The following IGFL2 variants were observed in gnomAD, a reference collection of about 807,000 sequenced individuals.
IGFL2 encodes insulin growth factor-like family member 2.
In IGFL2, 7 loss-of-function variants were observed where a neutral mutation model predicts 13.9. That is an observed-to-expected ratio of 0.51 (90% CI 0.29 to 0.95). The LOEUF (loss-of-function observed/expected upper bound fraction) is 0.95. Among genes scored for constraint, IGFL2 ranks in the 40% least tolerant of loss-of-function variants. The pLI is 0.08. For missense variants in IGFL2, 138 were observed against 147.8 expected (o/e 0.93, Z 0.34); for synonymous variants, 55 against 55.8 (o/e 0.99, Z 0.07).
At chr19:46,164,798 T>C (rs148359979), downstream of IGFL2, 37 of 152,342 alleles carry the variant, frequency 2.4e-4, no homozygotes, top group East Asian at 5.2e-3. Context: ...TTCTGAGTCT[T>C]TTTTCAGCTT....
At chr19:46,147,496 C>T (rs140693910), upstream of IGFL2, among the ~76,000 whole-genome samples, 18 of 152,296 alleles carry the variant, frequency 1.2e-4, no homozygotes, top group East Asian at 3.3e-3. Context: ...GAAAAGCCCT[C>T]GAGCTGGCTT....
chr19:46,191,059 G>A, the IGFL2 span, among the ~76,000 whole-genome samples: 1 of 151,962 alleles, frequency 6.6e-6, no homozygotes, highest in Non-Finnish European at 1.5e-5. Flanking sequence ...GGGAGAAGCA[G>A]GTATGTTTTT....
At chr19:46,090,577 G>A in the IGFL2 span, among the ~76,000 whole-genome samples, 23 of 152,150 alleles carry the variant, frequency 1.5e-4, no homozygotes, top group Admixed American at 1.5e-3. Context: ...TGCCACTGTG[G>A]CCATTACAAC....
At chr19:46,207,567 A>G in the IGFL2 span, 1 of 152,182 alleles carries the variant, frequency 6.6e-6, no homozygotes, top group African/African-American at 2.4e-5. Flanking sequence ...TTTTTCGTAG[A>G]GACGGGGTTT....
chr19:46,146,367 A>C (rs1028127206), upstream of IGFL2, among the ~76,000 whole-genome samples: 1 of 152,172 alleles, frequency 6.6e-6, no homozygotes, highest in Non-Finnish European at 1.5e-5. Flanking sequence ...CTGTAGCTTG[A>C]GTAATTGTGA....
chr19:46,171,739 C>T, the IGFL2 span, among the ~76,000 whole-genome samples: 1 of 152,144 alleles, frequency 6.6e-6, no homozygotes, highest in Non-Finnish European at 1.5e-5. Context: ...CTTTTGATAA[C>T]TCCCTTCTTG....
At chr19:46,107,164 G>C in the IGFL2 span, among the ~76,000 whole-genome samples, 1 of 152,160 alleles carries the variant, frequency 6.6e-6, no homozygotes, top group Non-Finnish European at 1.5e-5. Flanking sequence ...TGGAGGTAAG[G>C]GGAACAGGCC....
At chr19:46,197,667 G>A in the IGFL2 span, among the ~76,000 whole-genome samples, 8 of 152,136 alleles carry the variant, frequency 5.3e-5, no homozygotes, top group African/African-American at 1.9e-4. Flanking sequence ...GAGTAGCTGG[G>A]ACCACAGGTG....
At chr19:46,146,453 C>G (rs1973142550), upstream of IGFL2, among the ~76,000 whole-genome samples, 1 of 152,112 alleles carries the variant, frequency 6.6e-6, no homozygotes, top group Admixed American at 6.5e-5. Context: ...CATTGCTTTT[C>G]TATATAAATT....
chr19:46,103,028 A>G, the IGFL2 span, among the ~76,000 whole-genome samples: 4 of 152,190 alleles, frequency 2.6e-5, no homozygotes, highest in Non-Finnish European at 5.9e-5. Context: ...GAGAAACTAA[A>G]CAGAAGACAC....
chr19:46,180,121 G>T, the IGFL2 span, among the ~76,000 whole-genome samples: 1 of 151,802 alleles, frequency 6.6e-6, no homozygotes, highest in African/African-American at 2.4e-5. Flanking sequence ...ACTCCATCTT[G>T]ATTGAGAGCC....
the IGFL2 span, among the ~76,000 whole-genome samples, chr19:46,082,081 T>A: frequency 6.6e-6 from 1 of 152,240 alleles, no homozygotes. Flanking sequence ...ATTCTTTCAC[T>A]CTTTAATGAG....
the IGFL2 span, among the ~76,000 whole-genome samples, chr19:46,100,167 G>T: frequency 6.6e-6 from 1 of 152,268 alleles, no homozygotes; most frequent in African/African-American, 2.4e-5. Context: ...TGCTGGAGAG[G>T]AGTTGTGATC....
At chr19:46,166,650 A>G in the IGFL2 span, among the ~76,000 whole-genome samples, 2 of 152,160 alleles carry the variant, frequency 1.3e-5, no homozygotes, top group African/African-American at 2.4e-5. Context: ...CATCTCTGCA[A>G]TCTCGACCAT....
the IGFL2 span, among the ~76,000 whole-genome samples, chr19:46,101,431 G>A: frequency 3.9e-5 from 6 of 152,240 alleles, no homozygotes; most frequent in Non-Finnish European, 7.3e-5. Context: ...GGTAGCTGAA[G>A]TTCCTGCAGG....
chr19:46,167,429 A>G, the IGFL2 span, among the ~76,000 whole-genome samples: 1 of 152,200 alleles, frequency 6.6e-6, no homozygotes, highest in East Asian at 1.9e-4. Flanking sequence ...CTTTGCCCGT[A>G]TCTGATGGCT....
chr19:46,186,037 A>G, the IGFL2 span, among the ~76,000 whole-genome samples: 1 of 152,114 alleles, frequency 6.6e-6, no homozygotes, highest in East Asian at 1.9e-4. Context: ...AAATTTCCTA[A>G]TCGTTCTCCA....
chr19:46,173,344 A>AT, the IGFL2 span, among the ~76,000 whole-genome samples: 1 of 152,182 alleles, frequency 6.6e-6, no homozygotes, highest in African/African-American at 2.4e-5. Flanking sequence ...TCCTCATGTG[A>AT]TTCACGTTCT....
chr19:46,165,355 T>G (rs973031919), downstream of IGFL2, among the ~76,000 whole-genome samples: 43 of 152,314 alleles, frequency 2.8e-4, no homozygotes, highest in African/African-American at 9.1e-4. Flanking sequence ...ATATCATGCC[T>G]TACAGCAAAG....
Sources: allele counts gnomAD v4.1 joint callset (sites outside exome capture counted in the v4.1 genomes callset), GRCh38; gene constraint gnomAD v4.1.1; transcripts MANE v1.5; gene names NCBI Gene and HGNC (gene_info 2026-07-23, HGNC 2026-07-21).